The following EPB41L2 variants were observed in gnomAD, a reference collection of about 807,000 sequenced individuals.
EPB41L2 encodes the protein erythrocyte membrane protein band 4.1 like 2, also known as band 4.1-like protein 2.
A neutral mutation model predicts 113.0 loss-of-function variants in EPB41L2; 43 were observed. The ratio of observed to expected loss-of-function variants is 0.38; its 90% CI spans 0.30 to 0.49. The LOEUF (loss-of-function observed/expected upper bound fraction) is 0.49. Ranked by LOEUF, EPB41L2 falls within the 20% of genes least tolerant of loss-of-function variation. The pLI, the probability that EPB41L2 is intolerant of heterozygous loss-of-function variation, is 0.95. For synonymous variants in EPB41L2, 442 were observed against 436.7 expected, an observed-to-expected ratio of 1.01 and a Z score of -0.15; for missense variants, 1,147 against 1,223.4, an observed-to-expected ratio of 0.94 and a Z score of 0.93.
At chr6:130,994,309 A>G (rs536850460) in intron 1 of EPB41L2, among the ~76,000 whole-genome samples, 1 of 152,316 alleles carries the variant, frequency 6.6e-6, no homozygotes, top group South Asian at 2.1e-4. Flanking sequence ...GAGACCCAGA[A>G]AAACCACTGT....
In EPB41L2 at chr6:130,991,279, T is replaced by G. The variant is rs565238037; in HGVS notation, c.-14-34780A>C. On this transcript the variant is annotated intron_variant, in intron 1 of 19. Coordinates refer to ENST00000337057, the MANE Select transcript of EPB41L2 (RefSeq NM_001431.4). Reference sequence around the variant, plus strand: ...TGTGTACCCCCACAGCTATGTCCTCTTCCACACACACAAAACACAATGGTA... The same window carrying G: ...TGTGTACCCCCACAGCTATGTCCTCGTCCACACACACAAAACACAATGGTA... Among the ~76,000 whole-genome samples the G allele has an allele frequency of 6.6e-5, 10 of 152,190 alleles. No individual in the cohort carries two copies. The South Asian group carries it at 1.2e-3, about 19-fold the overall frequency.
rs145443973 is a variant in EPB41L2, at chr6:130,864,476, G to A, written c.2830-758C>T. Among the ~76,000 whole-genome samples the A allele has an allele frequency of 3.0e-4, 46 of 152,270 alleles. No individual in the cohort carries two copies. The East Asian group carries it at 7.9e-3, about 26-fold the overall frequency. On this transcript the variant is annotated intron_variant, in intron 17 of 19. Coordinates refer to ENST00000337057, the MANE Select transcript of EPB41L2 (RefSeq NM_001431.4). ...GGGCTGGAGGAGGGAGCTCCTGGGG[G>A]AACTGCCTCACAGCGTTATGGGCTC...
chr6:130,952,393 C>T (rs1335509242), intron 3 of EPB41L2, among the ~76,000 whole-genome samples: 1 of 151,420 alleles, frequency 6.6e-6, no homozygotes, highest in African/African-American at 2.4e-5. Flanking sequence ...GAAACTGTGA[C>T]TCAGGAGGGG....
intron 1 of EPB41L2, among the ~76,000 whole-genome samples, chr6:130,984,998 C>T (rs1367233421): frequency 2.0e-5 from 3 of 152,144 alleles, no homozygotes; most frequent in Non-Finnish European, 4.4e-5. Flanking sequence ...GGACAATATG[C>T]TCTCGAAGAT....
intron 14 of EPB41L2, among the ~76,000 whole-genome samples, chr6:130,873,495 G>A (rs1464291409): frequency 1.4e-5 from 2 of 141,552 alleles, no homozygotes; most frequent in African/African-American, 2.7e-5. Flanking sequence ...ACGGAGTCTC[G>A]CTCTGTCACT....
At chr6:130,880,876 C>T (rs754142031) in intron 12 of EPB41L2, 7 of 185,436 alleles carry the variant, frequency 3.8e-5, no homozygotes, top group East Asian at 1.3e-4. Flanking sequence ...ATGTAAAATT[C>T]GTTTTTAGCT....
At chr6:131,057,389 T>C (rs910305381) in intron 1 of EPB41L2, among the ~76,000 whole-genome samples, 3 of 152,086 alleles carry the variant, frequency 2.0e-5, no homozygotes, top group African/African-American at 7.2e-5. Context: ...TCCCTCAAGG[T>C]AAATGAATCT....
intron 12 of EPB41L2, chr6:130,882,626 GA>G: frequency 6.5e-6 from 1 of 152,956 alleles, no homozygotes; most frequent in Non-Finnish European, 1.5e-5. Context: ...CAGAGGAAGG[GA>G]AAAGGCAAGA....
At chr6:130,924,904 A>C (rs944500442) in intron 4 of EPB41L2, among the ~76,000 whole-genome samples, 1 of 152,206 alleles carries the variant, frequency 6.6e-6, no homozygotes, top group African/African-American at 2.4e-5. Context: ...CTATACAGAT[A>C]AGTAAGTCAT....
chr6:130,843,022 G>A (rs558297203), intron 19 of EPB41L2, among the ~76,000 whole-genome samples: 28 of 61,532 alleles, frequency 4.6e-4, no homozygotes, highest in African/African-American at 2.2e-3. Context: ...GTTTAACTCT[G>A]AGTTATTAGA....
At chr6:131,061,801 T>C (rs1798700702) in intron 1 of EPB41L2, among the ~76,000 whole-genome samples, 1 of 151,908 alleles carries the variant, frequency 6.6e-6, no homozygotes, top group Admixed American at 6.6e-5. Context: ...ATGTATTCCG[T>C]TGAAAAAAAC....
chr6:130,941,207 C>A (rs770777374), intron 3 of EPB41L2, among the ~76,000 whole-genome samples: 21 of 152,098 alleles, frequency 1.4e-4, no homozygotes, highest in Non-Finnish European at 2.9e-4. Context: ...TATACCATCA[C>A]AAAGGGAGAC....
intron 19 of EPB41L2, among the ~76,000 whole-genome samples, chr6:130,857,313 C>G (rs930264958): frequency 6.6e-6 from 1 of 152,106 alleles, no homozygotes; most frequent in African/African-American, 2.4e-5. Flanking sequence ...TTAGTTTGCA[C>G]ATAGTTTACT....
At chr6:130,842,152 C>A (rs1341531999) in intron 19 of EPB41L2, among the ~76,000 whole-genome samples, 1 of 152,084 alleles carries the variant, frequency 6.6e-6, no homozygotes, top group Non-Finnish European at 1.5e-5. Flanking sequence ...AAAGTTCCTA[C>A]CATTTAGATT....
At chr6:130,946,795 C>T (rs1812991471) in intron 3 of EPB41L2, among the ~76,000 whole-genome samples, 2 of 151,786 alleles carry the variant, frequency 1.3e-5, no homozygotes, top group African/African-American at 2.4e-5. Flanking sequence ...AACAAAAATG[C>T]CCCCATGAAT....
chr6:131,021,615 C>T (rs139762309), intron 1 of EPB41L2, among the ~76,000 whole-genome samples: 6 of 151,952 alleles, frequency 3.9e-5, no homozygotes, highest in South Asian at 2.1e-4. Context: ...GAGCCAAGAT[C>T]GCACCATTGC....
chr6:130,989,102 CAAACAA>C (rs1235809314), intron 1 of EPB41L2, among the ~76,000 whole-genome samples: 1 of 151,986 alleles, frequency 6.6e-6, no homozygotes, highest in Non-Finnish European at 1.5e-5. Flanking sequence ...AACAAACAAA[CAAACAA>C]AGAATGAAGG....
chr6:130,893,144 T>C (rs1244946267), intron 10 of EPB41L2, among the ~76,000 whole-genome samples: 1 of 152,136 alleles, frequency 6.6e-6, no homozygotes, highest in African/African-American at 2.4e-5. Flanking sequence ...ATATACAAAA[T>C]CTTATATAAC....
Position 130,969,303 on chromosome 6 carries a change from C to T in EPB41L2, c.-14-12804G>A, listed in dbSNP as rs1335282801. Among the ~76,000 whole-genome samples the T allele has an allele frequency of 2.0e-5, 3 of 152,278 alleles. No individual in the cohort carries two copies. The East Asian group carries it at 5.8e-4, about 29-fold the overall frequency. On this transcript the variant is annotated intron_variant, in intron 1 of 19. Coordinates refer to ENST00000337057, the MANE Select transcript of EPB41L2 (RefSeq NM_001431.4). The stretch of plus-strand genomic sequence containing the variant: ...TAAATACTTCAGTGATATAGAGCAT[C>T]CCTAACAGTGTCAACAATAAAAAAG...
Sources: gnomAD v4.1 joint callset for allele counts (sites outside exome capture counted in the v4.1 genomes callset) on GRCh38, gnomAD v4.1.1 for gene constraint, MANE v1.5 for transcripts, NCBI Gene and HGNC (gene_info 2026-07-23, HGNC 2026-07-21) for gene names.